LRP1B: variants seen among roughly 807,000 people sequenced by gnomAD.
LRP1B encodes the protein low-density lipoprotein receptor-related protein 1B.
In LRP1B, 217 loss-of-function variants were observed where a neutral mutation model predicts 556.6. That is an observed-to-expected ratio of 0.39 (90% CI 0.35 to 0.44). The LOEUF (loss-of-function observed/expected upper bound fraction) is 0.44, where lower values mean the gene tolerates loss of function less well. Ranked by LOEUF, LRP1B falls within the 20% of genes least tolerant of loss-of-function variation. The pLI, the probability that LRP1B is intolerant of heterozygous loss-of-function variation, is 1.00. For missense variants in LRP1B, 5,053 were observed against 5,620.8 expected (o/e 0.90, Z 3.23); for synonymous variants, 2,047 against 1,865.8 (o/e 1.10, Z -2.50).
chr2:141,877,763 A>G (rs1208485662), intron 1 of LRP1B, among the ~76,000 whole-genome samples: 1 of 152,008 alleles, frequency 6.6e-6, no homozygotes, highest in African/African-American at 2.4e-5. Flanking sequence ...TTTTTCTGAT[A>G]TCTAAGCAAA....
chr2:141,893,687 A>G (rs1238817954), intron 1 of LRP1B, among the ~76,000 whole-genome samples: 2 of 152,170 alleles, frequency 1.3e-5, no homozygotes, highest in African/African-American at 4.8e-5. Flanking sequence ...CCACGGGACA[A>G]AAATCTTTTT....
chr2:140,353,410 T>C (rs138456266), intron 75 of LRP1B, among the ~76,000 whole-genome samples: 102 of 152,236 alleles, frequency 6.7e-4, no homozygotes, highest in African/African-American at 2.3e-3. Context: ...AGTGCAGGTT[T>C]GCTACCTAGA....
intron 3 of LRP1B, among the ~76,000 whole-genome samples, chr2:141,351,203 A>T (rs1180554261): frequency 6.6e-6 from 1 of 152,048 alleles, no homozygotes; most frequent in African/African-American, 2.4e-5. Context: ...TCAAGAATCA[A>T]CATTTTTCCA....
At chr2:140,890,269 G>A (rs1693761167) in intron 23 of LRP1B, among the ~76,000 whole-genome samples, 1 of 152,112 alleles carries the variant, frequency 6.6e-6, no homozygotes, top group Admixed American at 6.6e-5. Context: ...CATACACAGA[G>A]GGCTTCAAAG....
At chr2:140,789,642 T>G (rs1254918430) in intron 32 of LRP1B, among the ~76,000 whole-genome samples, 1 of 132,228 alleles carries the variant, frequency 7.6e-6, no homozygotes, top group Non-Finnish European at 1.6e-5. Flanking sequence ...TTTTTTTTTT[T>G]TTTTTTGAGA....
chr2:141,975,977 T>C (rs1292661574), intron 1 of LRP1B, among the ~76,000 whole-genome samples: 1 of 151,828 alleles, frequency 6.6e-6, no homozygotes, highest in African/African-American at 2.4e-5. Flanking sequence ...CTGAAATGCT[T>C]TCTATGTTAA....
chr2:141,563,714 T>A (rs1305320878), intron 2 of LRP1B, among the ~76,000 whole-genome samples: 1 of 152,076 alleles, frequency 6.6e-6, no homozygotes, highest in Non-Finnish European at 1.5e-5. Flanking sequence ...CGAGATCATG[T>A]CCTTTGCAGC....
intron 2 of LRP1B, among the ~76,000 whole-genome samples, chr2:141,625,832 C>T (rs1688685553): frequency 6.6e-6 from 1 of 151,968 alleles, no homozygotes; most frequent in African/African-American, 2.4e-5. Flanking sequence ...TGACTGGGAA[C>T]CTATAAGATT....
chr2:140,999,678 G>A (rs923769325), intron 15 of LRP1B, among the ~76,000 whole-genome samples: 2 of 151,958 alleles, frequency 1.3e-5, no homozygotes, highest in Non-Finnish European at 2.9e-5. Flanking sequence ...CTACTGAAGC[G>A]TGTGCTTAGC....
chr2:141,620,881 C>T (rs772424342), intron 2 of LRP1B, among the ~76,000 whole-genome samples: 4 of 151,672 alleles, frequency 2.6e-5, no homozygotes, highest in Non-Finnish European at 5.9e-5. Flanking sequence ...GGAAAGTTTC[C>T]AGACATTGGC....
chr2:142,128,287 A>G (rs1466045618), intron 1 of LRP1B, among the ~76,000 whole-genome samples: 1 of 152,142 alleles, frequency 6.6e-6, no homozygotes, highest in Admixed American at 6.5e-5. Flanking sequence ...CTATTACACA[A>G]TAAGTACACG....
chr2:140,692,706 G>T lies in LRP1B; in HGVS notation c.6799+7544C>A, dbSNP rs141035842. 4.0e-3 allele frequency among the ~76,000 whole-genome samples: 611 copies of T among 152,028 alleles called. 4 individuals carry two copies. Among genetic ancestry groups the T allele is most frequent in the African/African-American group, 0.013 (535 of 41,516 alleles). On this transcript the variant is annotated intron_variant, in intron 41 of 90. Transcript: ENST00000389484. ...AAACTTCAGTTGTAATCCTTTGTTG[G>T]TTTTAAGGATTGCAACTATACACCA...
chr2:141,324,153 C>CCA (rs539328917), intron 3 of LRP1B, among the ~76,000 whole-genome samples: 2,996 of 139,580 alleles, frequency 0.021, 51 homozygotes, highest in Non-Finnish European at 0.034. Context: ...AACAAGGAAA[C>CCA]CACACACACA....
chr2:142,091,328 T>G (rs919004911), intron 1 of LRP1B, among the ~76,000 whole-genome samples: 2 of 152,146 alleles, frequency 1.3e-5, no homozygotes, highest in South Asian at 2.1e-4. Flanking sequence ...ATGTGATAGG[T>G]GCTGTTAGTG....
intron 2 of LRP1B, among the ~76,000 whole-genome samples, chr2:141,579,665 T>C (rs1377698441): frequency 6.6e-6 from 1 of 151,632 alleles, no homozygotes; most frequent in Admixed American, 6.6e-5. Context: ...TCTTTCTCTA[T>C]AAATTGTTCT....
chr2:141,728,726 C>A (rs1693147159), intron 2 of LRP1B, among the ~76,000 whole-genome samples: 1 of 152,138 alleles, frequency 6.6e-6, no homozygotes, highest in Non-Finnish European at 1.5e-5. Flanking sequence ...ACACTAAATT[C>A]ACATTTCAAA....
chr2:141,115,687 T>A (rs1160436632), intron 7 of LRP1B, among the ~76,000 whole-genome samples: 1 of 151,500 alleles, frequency 6.6e-6, no homozygotes, highest in Non-Finnish European at 1.5e-5. Context: ...TTTTGCCGTG[T>A]TAGCCAGGAC....
At chr2:140,932,932 TATATACAC>T (rs140010865) in intron 20 of LRP1B, among the ~76,000 whole-genome samples, 16,789 of 143,932 alleles carry the variant, frequency 0.12, 1,052 homozygotes, top group Middle Eastern at 0.16. Context: ...TATGTGTATA[TATATACAC>T]ATATACACAT....
Position 140,381,947 on chromosome 2 carries a change from T to A in LRP1B, c.10532-3661A>T, listed in dbSNP as rs1459092058. Among the ~76,000 whole-genome samples the A allele has an allele frequency of 2.0e-5, 3 of 148,210 alleles. No individual in the cohort carries two copies. In the East Asian group the frequency reaches 5.9e-4, roughly 29 times the overall value. On this transcript the variant is annotated intron_variant, in intron 67 of 90. Transcript: ENST00000389484. ...GACTGATCATTTCTTTCAATACTGA[T>A]GGAGGTAAAAACATACAACCACAGA...
Sources: allele counts gnomAD v4.1 joint callset (sites outside exome capture counted in the v4.1 genomes callset), GRCh38; gene constraint gnomAD v4.1.1; transcripts MANE v1.5; gene names NCBI Gene and HGNC (gene_info 2026-07-23, HGNC 2026-07-21).